Variants in CDC23 observed in about 807,000 individuals in gnomAD.
The protein encoded by CDC23 is cell division cycle 23.
Under a neutral mutation model 81.7 loss-of-function variants are expected in CDC23, and 26 were observed. The observed-to-expected ratio is 0.32, with a 90% CI of 0.23 to 0.44. The LOEUF (loss-of-function observed/expected upper bound fraction) is 0.44, where lower values mean the gene tolerates loss of function less well. Ranked by LOEUF, CDC23 falls within the 20% of genes least tolerant of loss-of-function variation. The pLI, the probability that CDC23 is intolerant of heterozygous loss-of-function variation, is 1.00. For synonymous variants in CDC23, 267 were observed against 270.8 expected, an observed-to-expected ratio of 0.99 and a Z score of 0.14; for missense variants, 519 against 728.0, an observed-to-expected ratio of 0.71 and a Z score of 3.30.
intron 15 of CDC23, 31 bp downstream of exon 15, chr5:138,189,602 T>G: frequency 6.3e-7 from 1 of 1,597,240 alleles, no homozygotes; most frequent in South Asian, 1.1e-5. Flanking sequence ...AGCCTAAAAT[T>G]CAAACCTTTT....
chr5:138,199,510 T>G (rs149877694), intron 6 of CDC23, among the ~76,000 whole-genome samples: 1 of 152,118 alleles, frequency 6.6e-6, no homozygotes, highest in East Asian at 1.9e-4. Context: ...ATGGGAACCC[T>G]AGATAGAAAG....
chr5:138,202,501 C>G (rs1361829767), intron 3 of CDC23, among the ~76,000 whole-genome samples: 4 of 152,186 alleles, frequency 2.6e-5, no homozygotes, highest in Non-Finnish European at 5.9e-5. Flanking sequence ...TCAGGCTGGT[C>G]TCGAACTCCA....
intron 9 of CDC23, among the ~76,000 whole-genome samples, chr5:138,197,093 T>C (rs1293150221): frequency 6.7e-6 from 1 of 149,726 alleles, no homozygotes; most frequent in Non-Finnish European, 1.5e-5. Flanking sequence ...CTGTTAAAAA[T>C]ATGTTTAAAA....
intron 2 of CDC23, among the ~76,000 whole-genome samples, chr5:138,209,208 C>A (rs1310061735): frequency 2.0e-5 from 3 of 151,754 alleles, no homozygotes; most frequent in Admixed American, 6.6e-5. Context: ...AGGTGGATCA[C>A]CTGAGGTCAA....
intron 13 of CDC23, chr5:138,190,115 A>C: frequency 1.7e-6 from 1 of 575,946 alleles, no homozygotes; most frequent in East Asian, 2.9e-5. Context: ...ATGGAAGGAG[A>C]GTCAGTAAAT....
intron 3 of CDC23, among the ~76,000 whole-genome samples, chr5:138,203,801 T>C (rs1391670810): frequency 1.3e-5 from 2 of 151,988 alleles, no homozygotes; most frequent in Admixed American, 6.6e-5. Flanking sequence ...TAATCCCAGC[T>C]ACCCAGGAGG....
rs1383693133 is a variant in CDC23 at position 138,188,931 on chromosome 5, G to A, written c.*47C>T. On this transcript the variant is annotated 3_prime_UTR_variant, in exon 16 of 16. Coordinates refer to ENST00000394886, the MANE Select transcript of CDC23 (RefSeq NM_004661.4). ...GTGCTGTTCTTTACATGGAGGTAAG[G>A]CTTAATTAAGATGGGTCTAACAATG... 1 of 1,581,426 alleles carries A rather than the reference G, an allele frequency of 6.3e-7. No individual in the cohort carries two copies.
chr5:138,210,215 CAA>C (rs374700363), intron 2 of CDC23, among the ~76,000 whole-genome samples: 5 of 114,010 alleles, frequency 4.4e-5, no homozygotes, highest in Admixed American at 9.5e-5. Context: ...GACTCCGTCT[CAA>C]AAAAAAAAAA....
intron 3 of CDC23, among the ~76,000 whole-genome samples, chr5:138,205,705 A>C (rs1755040176): frequency 6.6e-6 from 1 of 152,028 alleles, no homozygotes; most frequent in South Asian, 2.1e-4. Flanking sequence ...GGAAAAAAAA[A>C]AAAAAAACAA....
rs750793776 is a variant in CDC23 at position 138,198,494 on chromosome 5, CATT to C, written c.859_861del (p.Asn287del). The C allele has an allele frequency of 6.2e-7, 1 of 1,614,082 alleles. No individual in the cohort carries two copies. On this transcript the variant is annotated inframe_deletion, in exon 8 of 16. Coordinates refer to ENST00000394886, the MANE Select transcript of CDC23 (RefSeq NM_004661.4). The stretch of plus-strand genomic sequence containing the variant: ...CTGTAAGGGTCTTGTTTCCTTAGCT[CATT>C]AAAAATGGAGAGGGCTTTGTCAATA...
At chr5:138,201,790 T>A (rs953581932) in intron 4 of CDC23, among the ~76,000 whole-genome samples, 1 of 152,242 alleles carries the variant, frequency 6.6e-6, no homozygotes, top group African/African-American at 2.4e-5. Flanking sequence ...TTACAGTCAT[T>A]CTGTTAGACC....
At chr5:138,195,749 A>ATATATATACATATATTATATATGTG (rs1176950070) in intron 9 of CDC23, among the ~76,000 whole-genome samples, 5 of 114,800 alleles carry the variant, frequency 4.4e-5, no homozygotes, top group African/African-American at 1.1e-4. Context: ...ATATATATGT[A>ATATATATACATATATTATATATGTG]TATATATACA....
In CDC23 at chr5:138,188,905, C is replaced by T. The variant is rs180730866; in HGVS notation, c.*73G>A. ...GAAGAGCTGAGGTCCTTGGAACAGA[C>T]GTGCTGTTCTTTACATGGAGGTAAG... On this transcript the variant is annotated 3_prime_UTR_variant, in exon 16 of 16. Transcript: ENST00000394886. 3.8e-4 allele frequency: 551 copies of T among 1,433,396 alleles called. 2 individuals are homozygous for T. The African/African-American group carries it at 6.7e-3, about 18-fold the overall frequency. The allele number at this position is 1,433,396 out of a possible 1,614,324, so 88.8% of individuals were successfully genotyped here.
intron 6 of CDC23, among the ~76,000 whole-genome samples, chr5:138,199,138 G>A (rs1164199495): frequency 1.3e-5 from 2 of 152,204 alleles, no homozygotes; most frequent in Admixed American, 1.3e-4. Flanking sequence ...GTAGGACAAA[G>A]AAACTAGCTT....
chr5:138,207,967 C>CT (rs562305953), intron 2 of CDC23, among the ~76,000 whole-genome samples: 3,838 of 144,866 alleles, frequency 0.026, 80 homozygotes, highest in African/African-American at 0.056. Context: ...CCCCCAAATT[C>CT]TTTTTTTTTT....
At chr5:138,206,450 G>T in intron 3 of CDC23, 97 bp downstream of exon 3, 1 of 1,163,294 alleles carries the variant, frequency 8.6e-7, no homozygotes, top group South Asian at 1.2e-5. Flanking sequence ...TCATTCAGTG[G>T]CCCACTGCTA....
chr5:138,201,281 A>C, intron 5 of CDC23, 42 bp from the exon 6 acceptor site: 1 of 1,613,726 alleles, frequency 6.2e-7, no homozygotes, highest in Non-Finnish European at 8.5e-7. Flanking sequence ...AATGCTATTT[A>C]ATAGCTGCTT....
chr5:138,192,032 A>G (rs1754832598), intron 11 of CDC23, 95 bp from the exon 12 acceptor site: 1 of 1,106,290 alleles, frequency 9.0e-7, no homozygotes. Context: ...AATCTATGCA[A>G]CAACTGGTCT....
At position 138,197,498 on chromosome 5, in the gene CDC23, T is replaced by A. The variant is rs1298791978; in HGVS notation, c.1012+701A>T. On this transcript the variant is annotated intron_variant, in intron 9 of 15. Transcript: ENST00000394886. ...ACGTAACATGTAATACATATTTATTTTTTTTTTTTTTTTTTTGAGACGGAG... is the reference window on the plus strand; with the variant it reads ...ACGTAACATGTAATACATATTTATTATTTTTTTTTTTTTTTTGAGACGGAG... Among the ~76,000 whole-genome samples the A allele has an allele frequency of 2.1e-4, 30 of 144,666 alleles. No homozygotes were observed. The East Asian group carries it at 5.8e-3, about 28-fold the overall frequency. 94.9% of individuals were successfully genotyped at this position (144,666 alleles called of 152,430 possible). A position where few individuals can be genotyped will look rare whatever the true frequency, so the allele number is the denominator to read the frequency against.
Sources: gnomAD v4.1 joint callset for allele counts (sites outside exome capture counted in the v4.1 genomes callset) on GRCh38, gnomAD v4.1.1 for gene constraint, MANE v1.5 for transcripts, NCBI Gene and HGNC (gene_info 2026-07-23, HGNC 2026-07-21) for gene names.